Variants in MAP2 observed in about 807,000 individuals in gnomAD.
MAP2 encodes microtubule associated protein 2.
A neutral mutation model predicts 137.6 loss-of-function variants in MAP2; 14 were observed. That is an observed-to-expected ratio of 0.10 (90% CI 0.07 to 0.16). The LOEUF is 0.16. MAP2 is among the 10% of genes least tolerant of loss of function. The pLI is 1.00. For synonymous variants in MAP2, 786 were observed against 782.3 expected, an observed-to-expected ratio of 1.00 and a Z score of -0.08; for missense variants, 2,088 against 2,191.5, an observed-to-expected ratio of 0.95 and a Z score of 0.94.
chr2:209,577,098 G>T (rs2075482162), intron 2 of MAP2, among the ~76,000 whole-genome samples: 1 of 152,114 alleles, frequency 6.6e-6, no homozygotes, highest in South Asian at 2.1e-4. Context: ...ATGTTCAGAA[G>T]TGAACAGAAG....
intron 13 of MAP2, among the ~76,000 whole-genome samples, chr2:209,720,534 G>A (rs1406867174): frequency 6.6e-6 from 1 of 151,318 alleles, no homozygotes; most frequent in Non-Finnish European, 1.5e-5. Flanking sequence ...AGCTACTCAG[G>A]AAGCTGAGGC....
chr2:209,710,770 G>A (rs1009509319), intron 13 of MAP2: 1 of 155,730 alleles, frequency 6.4e-6, no homozygotes, highest in Non-Finnish European at 1.4e-5. Flanking sequence ...CAAAGGGGAG[G>A]TATTCGTGTT....
chr2:209,614,161 C>CT (rs1436486075), intron 3 of MAP2, among the ~76,000 whole-genome samples: 2 of 151,930 alleles, frequency 1.3e-5, no homozygotes, highest in East Asian at 3.9e-4. Context: ...CTCCTCCTTC[C>CT]TCCATTCCGA....
intron 2 of MAP2, among the ~76,000 whole-genome samples, chr2:209,553,571 G>A (rs1448068374): frequency 1.3e-5 from 2 of 152,108 alleles, no homozygotes; most frequent in East Asian, 1.9e-4. Context: ...GTTATTAATA[G>A]CACCAATTAA....
At chr2:209,714,706 G>A (rs566992584) in intron 13 of MAP2, among the ~76,000 whole-genome samples, 1 of 152,272 alleles carries the variant, frequency 6.6e-6, no homozygotes, top group Non-Finnish European at 1.5e-5. Flanking sequence ...AGATGTCAGA[G>A]ATATCCATCT....
At chr2:209,607,518 G>T (rs567673391) in intron 3 of MAP2, among the ~76,000 whole-genome samples, 14 of 152,106 alleles carry the variant, frequency 9.2e-5, no homozygotes, top group African/African-American at 3.4e-4. Flanking sequence ...CATTGCAACC[G>T]CTGCCTCCTG....
At chr2:209,506,988 T>C (rs2061152705) in intron 1 of MAP2, among the ~76,000 whole-genome samples, 1 of 152,192 alleles carries the variant, frequency 6.6e-6, no homozygotes, top group South Asian at 2.1e-4. Flanking sequence ...TCCTGTTTTT[T>C]CCTCCGCCTT....
At chr2:209,528,340 C>T (rs288059) in intron 2 of MAP2, among the ~76,000 whole-genome samples, 1,778 of 152,146 alleles carry the variant, frequency 0.012, 44 homozygotes, top group African/African-American at 0.041. Flanking sequence ...GGAAATATTA[C>T]GTAGATATTA....
chr2:209,465,943 C>G (rs927959664), intron 1 of MAP2, among the ~76,000 whole-genome samples: 22 of 152,264 alleles, frequency 1.4e-4, no homozygotes, highest in African/African-American at 5.1e-4. Context: ...TTAGTTAAGA[C>G]TGTTGCAGAA....
intron 1 of MAP2, among the ~76,000 whole-genome samples, chr2:209,495,094 G>A (rs1181631927): frequency 6.6e-6 from 1 of 152,272 alleles, no homozygotes; most frequent in African/African-American, 2.4e-5. Context: ...GCGGAGCCCA[G>A]CACAGTGCCG....
rs564312156 is a variant in MAP2, at chr2:209,473,552, T to A, written c.-221-34040T>A. 1.5e-4 allele frequency among the ~76,000 whole-genome samples: 23 copies of A among 152,188 alleles called. No individual in the cohort carries two copies. In the South Asian group the frequency reaches 4.8e-3, roughly 32 times the overall value. On this transcript the variant is annotated intron_variant, in intron 1 of 15. Coordinates refer to ENST00000682079, the MANE Select transcript of MAP2 (RefSeq NM_001375505.1). ...AGACCTGTACAATTTTATATTATGA[T>A]TTATCACCCCCAAGTGTCTAAATTT...
chr2:209,660,683 C>T (rs1346633286), intron 5 of MAP2, among the ~76,000 whole-genome samples: 32 of 146,578 alleles, frequency 2.2e-4, no homozygotes, highest in African/African-American at 8.0e-4. Flanking sequence ...GCGTGAGCCA[C>T]CGTGCCCGGC....
chr2:209,578,937 T>G (rs1218200721), intron 2 of MAP2, among the ~76,000 whole-genome samples: 3 of 152,012 alleles, frequency 2.0e-5, no homozygotes, highest in Non-Finnish European at 2.9e-5. Flanking sequence ...CTGTTTTTTT[T>G]TTTTCTTTTT....
chr2:209,695,400 A>C lies in MAP2; in HGVS notation c.3230A>C (p.Asp1077Ala). Residue 1077 changes from aspartate (D) to alanine (A), a missense_variant, in exon 8 of 16, where the codon GAC becomes GCC. By Grantham distance (126) the Asp-to-Ala change is moderately radical (BLOSUM62 -2). Around this residue, in one of 6 missense-constraint regions of MAP2, gnomAD observed 500 missense variants for 482.9 expected, o/e 1.04. Transcript: ENST00000682079. ...GAGCTAAAACTTGAGGCTACACAGG[A>C]CATGACCCCCTCATCCAAAGCACCG... ...ATELKLEATQ[D>A]MTPSSKAPQE... is the part of the protein sequence containing the mutation. 4 of 1,613,258 alleles carry C rather than the reference A, an allele frequency of 2.5e-6. No homozygotes were observed. The highest frequency in any genetic ancestry group is 3.4e-6 in the Non-Finnish European group (4 of 1,179,652).
At chr2:209,572,511 T>C (rs561378656) in intron 2 of MAP2, among the ~76,000 whole-genome samples, 137 of 152,254 alleles carry the variant, frequency 9.0e-4, no homozygotes, top group Non-Finnish European at 1.7e-3. Context: ...ATCAATATTA[T>C]TTTCAAATTT....
In MAP2 at chr2:209,695,504, G is replaced by C; in HGVS notation, c.3334G>C (p.Glu1112Gln). Residue 1112 changes from glutamate (E) to glutamine (Q), a missense_variant, in exon 8 of 16, where the codon GAG becomes CAG. By Grantham distance (29) the Glu-to-Gln change is conservative. This residue lies in a region of MAP2 where 500 missense variants were observed against 482.9 expected (regional missense o/e 1.04). Coordinates refer to ENST00000682079, the MANE Select transcript of MAP2 (RefSeq NM_001375505.1). ...GTKVSETEVK[E>Q]KVAKPDLVHQ... ...TAAAGTTAGTGAGACAGAAGTCAAA[G>C]AGAAGGTGGCCAAGCCTGACTTGGT... 3 of 1,614,122 alleles carry C rather than the reference G, an allele frequency of 1.9e-6. No individual in the cohort carries two copies. The highest frequency in any genetic ancestry group is 2.5e-6 in the Non-Finnish European group (3 of 1,180,020).
At chr2:209,579,766 G>C (rs1321174632) in intron 2 of MAP2, 2 of 152,060 alleles carry the variant, frequency 1.3e-5, no homozygotes, top group African/African-American at 4.8e-5. Context: ...GTAATGGTTT[G>C]GGGCTTTTAA....
chr2:209,441,434 T>A (rs1697749614), intron 1 of MAP2, among the ~76,000 whole-genome samples: 1 of 151,638 alleles, frequency 6.6e-6, no homozygotes. Flanking sequence ...TCTCTGAGAA[T>A]GTCTTCCACT....
intron 7 of MAP2, among the ~76,000 whole-genome samples, chr2:209,691,320 T>A (rs2058834756): frequency 6.6e-6 from 1 of 152,228 alleles, no homozygotes; most frequent in African/African-American, 2.4e-5. Flanking sequence ...ATATTTTTTA[T>A]GCTTCAATGA....
Sources: allele counts gnomAD v4.1 joint callset (sites outside exome capture counted in the v4.1 genomes callset), GRCh38; gene constraint gnomAD v4.1.1; regional missense constraint gnomAD v4.1.1; transcripts MANE v1.5; gene names NCBI Gene and HGNC (gene_info 2026-07-23, HGNC 2026-07-21).